LVRN: variants seen among roughly 807,000 people sequenced by gnomAD.
LVRN encodes the protein aminopeptidase Q.
Under a neutral mutation model 111.4 loss-of-function variants are expected in LVRN, and 99 were observed. The observed-to-expected ratio is 0.89, with a 90% CI of 0.76 to 1.05. The LOEUF (loss-of-function observed/expected upper bound fraction) is 1.05. Among genes scored for constraint, LVRN ranks in the 50% least tolerant of loss-of-function variants. The pLI is 0.00. For missense variants in LVRN, 1,414 were observed against 1,206.8 expected (o/e 1.17, Z -2.54); for synonymous variants, 488 against 449.5 (o/e 1.09, Z -1.08).
chr5:116,003,288 A>G lies in LVRN; in HGVS notation c.1945A>G (p.Ile649Val). 6.3e-7 allele frequency: 1 copy of G among 1,581,244 alleles called. No individual in the cohort carries two copies. Among genetic ancestry groups the G allele is most frequent in the Non-Finnish European group, 8.6e-7 (1 of 1,161,126 alleles). Residue 649 changes from isoleucine (I) to valine (V), a missense_variant, in exon 12 of 20, where the codon ATT (isoleucine) becomes GTT (valine). Coordinates refer to ENST00000357872, the MANE Select transcript of LVRN (RefSeq NM_173800.5). ...TTCAGATTCTGACCATGACTGGGTG[A>G]TTTTGAATTTGAATATGACTGGATA... is the stretch of plus-strand genomic sequence containing the variant. ...QVSDSDHDWV[I>V]LNLNMTGYYR... is the part of the protein sequence containing the mutation.
At chr5:116,002,648 T>G (rs915114129) in intron 10 of LVRN, among the ~76,000 whole-genome samples, 187 bp from the exon 11 acceptor site, 1 of 152,116 alleles carries the variant, frequency 6.6e-6, no homozygotes, top group Non-Finnish European at 1.5e-5. Flanking sequence ...GAGTAAACAA[T>G]AGCCAAAGTA....
intron 10 of LVRN, among the ~76,000 whole-genome samples, chr5:116,002,455 A>G (rs1215417021): frequency 1.3e-5 from 2 of 152,178 alleles, no homozygotes; most frequent in Non-Finnish European, 2.9e-5. Flanking sequence ...TTCCTTCTAA[A>G]CTACTTTTCA....
chr5:116,026,561 T>C lies in LVRN; in HGVS notation c.*443T>C, dbSNP rs1274918270. The C allele has an allele frequency of 1.1e-5, 2 of 185,230 alleles. No homozygotes were observed. The highest frequency in any genetic ancestry group is 4.8e-5 in the African/African-American group (2 of 41,566). The allele number at this position is 185,230 out of a possible 1,614,324, so 11.5% of individuals were successfully genotyped here. ...AAGATTGAAAAGACTAATGAGAAGA[T>C]AACATGACAATATAAAAAGACAGAA... On this transcript the variant is annotated 3_prime_UTR_variant, in exon 20 of 20. Transcript: ENST00000357872.
intron 13 of LVRN, among the ~76,000 whole-genome samples, chr5:116,009,023 C>T (rs1748434793): frequency 6.6e-6 from 1 of 152,198 alleles, no homozygotes; most frequent in African/African-American, 2.4e-5. Flanking sequence ...AAGTCAATGC[C>T]TGGCTTCAAA....
At chr5:116,005,692 C>T in intron 12 of LVRN, 4 of 604,680 alleles carry the variant, frequency 6.6e-6, no homozygotes, top group Non-Finnish European at 6.1e-6. Context: ...ATATTTAAAC[C>T]TTATGATTGA....
chr5:116,022,567 A>G (rs971256340), intron 19 of LVRN, 101 bp downstream of exon 19: 4 of 785,238 alleles, frequency 5.1e-6, no homozygotes, highest in Non-Finnish European at 8.6e-6. Context: ...TATCTGAATT[A>G]TTACATTCTA....
chr5:115,997,301 G>A (rs1167543689), intron 6 of LVRN, among the ~76,000 whole-genome samples: 2 of 152,052 alleles, frequency 1.3e-5, no homozygotes, highest in African/African-American at 2.4e-5. Context: ...TCCAAATCCT[G>A]CGTTTTTAAT....
chr5:116,003,237 A>G lies in LVRN; in HGVS notation c.1898-4A>G. On this transcript the variant is annotated splice_polypyrimidine_tract_variant and splice_region_variant and intron_variant, in intron 11 of 19. Coordinates refer to ENST00000357872, the MANE Select transcript of LVRN (RefSeq NM_173800.5). ...TTTCAAATTATTCCCATATTCCTTT[A>G]TAGAAGTATTCCCAGAAATGCAAGT... is the stretch of plus-strand genomic sequence containing the variant. The G allele has an allele frequency of 1.3e-6, 2 of 1,575,062 alleles. No individual in the cohort carries two copies. Among genetic ancestry groups the G allele is most frequent in the South Asian group, 2.3e-5 (2 of 85,224 alleles).
chr5:116,023,583 C>T (rs1229814124), intron 19 of LVRN: 1 of 152,254 alleles, frequency 6.6e-6, no homozygotes, highest in East Asian at 1.9e-4. Flanking sequence ...CAGCCCCACC[C>T]AAGTCACTGG....
At chr5:116,008,737 A>G (rs1580395922) in intron 13 of LVRN, among the ~76,000 whole-genome samples, 2 of 152,342 alleles carry the variant, frequency 1.3e-5, no homozygotes, top group South Asian at 4.1e-4. Flanking sequence ...ACTCTCTTCA[A>G]TTCTATTCAG....
chr5:116,023,363 T>C (rs973723841), intron 19 of LVRN: 1 of 152,268 alleles, frequency 6.6e-6, no homozygotes, highest in African/African-American at 2.4e-5. Context: ...GTCTTTTTCC[T>C]TGTGGAGAGA....
intron 19 of LVRN, among the ~76,000 whole-genome samples, chr5:116,024,519 G>A (rs950146373): frequency 6.6e-6 from 1 of 152,118 alleles, no homozygotes; most frequent in African/African-American, 2.4e-5. Context: ...TGATTTATCA[G>A]GTATTCCCTG....
chr5:116,026,144 C>G lies in LVRN; in HGVS notation c.*26C>G, dbSNP rs749752526. 1.2e-6 allele frequency: 2 copies of G among 1,612,900 alleles called. No individual in the cohort carries two copies. Among genetic ancestry groups the G allele is most frequent in the African/African-American group, 2.7e-5 (2 of 74,894 alleles). ...CTTGTGGCTATCTTTCAGCACTCCT[C>G]TTGCATATTATAATGTAGTTTGTTC... On this transcript the variant is annotated 3_prime_UTR_variant, in exon 20 of 20. Transcript: ENST00000357872.
intron 2 of LVRN, 111 bp downstream of exon 2, chr5:115,983,540 T>A (rs141085852): frequency 8.9e-6 from 11 of 1,234,970 alleles, no homozygotes; most frequent in Non-Finnish European, 1.2e-5. Context: ...ATAATTACAG[T>A]CTACTATAAT....
At chr5:116,015,124 T>G (rs1187587819) in intron 16 of LVRN, 128 bp from the exon 17 acceptor site, 1 of 639,214 alleles carries the variant, frequency 1.6e-6, no homozygotes, top group Non-Finnish European at 2.3e-6. Context: ...ATTGCCTCTC[T>G]AGATTCCTAC....
chr5:116,020,218 C>G (rs1748694658), intron 18 of LVRN: 1 of 152,170 alleles, frequency 6.6e-6, no homozygotes, highest in African/African-American at 2.4e-5. Flanking sequence ...AATACTCATT[C>G]CAATGAGAAA....
intron 6 of LVRN, among the ~76,000 whole-genome samples, chr5:115,994,335 T>A (rs1323082335): frequency 6.6e-6 from 1 of 152,148 alleles, no homozygotes; most frequent in Admixed American, 6.5e-5. Flanking sequence ...TGTGGTGGCA[T>A]GATCTTGACT....
At chr5:115,979,791 A>C (rs1221375584) in intron 1 of LVRN, among the ~76,000 whole-genome samples, 1 of 152,190 alleles carries the variant, frequency 6.6e-6, no homozygotes, top group Non-Finnish European at 1.5e-5. Flanking sequence ...GTGGGAGGAC[A>C]ACTTGCCTAA....
intron 19 of LVRN, 123 bp from the exon 20 acceptor site, chr5:116,025,855 T>A (rs774477335): frequency 7.2e-6 from 9 of 1,251,596 alleles, no homozygotes; most frequent in Admixed American, 2.2e-5. Flanking sequence ...GAGTATACAT[T>A]TCTACTCATT....
Sources: gnomAD v4.1 joint callset for allele counts (sites outside exome capture counted in the v4.1 genomes callset) on GRCh38, gnomAD v4.1.1 for gene constraint, MANE v1.5 for transcripts, NCBI Gene and HGNC (gene_info 2026-07-23, HGNC 2026-07-21) for gene names.